Variants in ERAP1 observed in about 807,000 individuals in gnomAD.
ERAP1 encodes endoplasmic reticulum aminopeptidase 1, also known as adipocyte-derived leucine aminopeptidase.
A neutral mutation model predicts 103.7 loss-of-function variants in ERAP1; 86 were observed. The ratio of observed to expected loss-of-function variants is 0.83; its 90% CI spans 0.70 to 0.99. The LOEUF is 0.99. ERAP1 is among the 50% of genes least tolerant of loss of function. The pLI is 0.00. For synonymous variants in ERAP1, 398 were observed against 402.4 expected (o/e 0.99, Z 0.13); for missense variants, 1,009 against 1,128.4 (o/e 0.89, Z 1.52).
the ERAP1 span, among the ~76,000 whole-genome samples, chr5:96,899,472 T>C: frequency 6.6e-6 from 1 of 152,250 alleles, no homozygotes; most frequent in South Asian, 2.1e-4. Context: ...TGCTGTTATT[T>C]TTCATAAGAT....
chr5:96,780,395 A>T (rs1429134355), intron 18 of ERAP1, 28 bp downstream of exon 18: 9 of 1,468,976 alleles, frequency 6.1e-6, no homozygotes, highest in South Asian at 1.3e-5. Context: ...TATGTTTAAA[A>T]ATATATATAT....
the ERAP1 span, among the ~76,000 whole-genome samples, chr5:96,815,765 T>C: frequency 1.3e-5 from 2 of 152,104 alleles, no homozygotes; most frequent in Non-Finnish European, 2.9e-5. Flanking sequence ...TATTAACAGA[T>C]GCAATAAGTA....
chr5:96,873,685 AAAAAACAAAAAC>A, the ERAP1 span: 67 of 323,872 alleles, frequency 2.1e-4, no homozygotes, highest in Non-Finnish European at 3.2e-4. Flanking sequence ...AAGGAAAAAC[AAAAAACAAAAAC>A]AAAAACTAAA....
At chr5:96,846,989 C>T in the ERAP1 span, among the ~76,000 whole-genome samples, 1 of 150,522 alleles carries the variant, frequency 6.6e-6, no homozygotes, top group Admixed American at 6.6e-5. Context: ...ACCTGTAATC[C>T]TAGCTTTGGG....
chr5:96,890,664 T>C, the ERAP1 span, among the ~76,000 whole-genome samples: 2 of 152,330 alleles, frequency 1.3e-5, no homozygotes, highest in Non-Finnish European at 2.9e-5. Flanking sequence ...CCAATGCATT[T>C]TCCTTACATA....
At chr5:96,824,957 T>C in the ERAP1 span, among the ~76,000 whole-genome samples, 4 of 152,146 alleles carry the variant, frequency 2.6e-5, no homozygotes, top group South Asian at 2.1e-4. Context: ...GGACGATCGA[T>C]TGAGCCTGGG....
chr5:96,909,673 TTGAAGCTGGCCTGTGACC>T, the ERAP1 span: 2 of 1,614,232 alleles, frequency 1.2e-6, no homozygotes, highest in Non-Finnish European at 1.7e-6. Flanking sequence ...CTCGGCTCTC[TTGAAGCTGGCCTGTGACC>T]TGAACCATGC....
At chr5:96,814,957 A>G in the ERAP1 span, among the ~76,000 whole-genome samples, 7 of 152,198 alleles carry the variant, frequency 4.6e-5, no homozygotes, top group African/African-American at 1.7e-4. Flanking sequence ...ATCTAGGCCT[A>G]ACACCAAATA....
upstream of ERAP1, among the ~76,000 whole-genome samples, chr5:96,808,805 A>G (rs1048221273): frequency 6.6e-6 from 1 of 152,200 alleles, no homozygotes; most frequent in African/African-American, 2.4e-5. Context: ...ACATTAAAAC[A>G]CCAAATGCTA....
chr5:96,903,680 A>G, the ERAP1 span: 1 of 932,302 alleles, frequency 1.1e-6, no homozygotes, highest in South Asian at 2.0e-5. Flanking sequence ...AATGGAATTC[A>G]AACAGTGATC....
rs552080443 is a variant in ERAP1, at chr5:96,777,379, T to C, written c.2671-828A>G. On this transcript the variant is annotated intron_variant, in intron 18 of 18. Coordinates refer to ENST00000443439, the MANE Select transcript of ERAP1 (RefSeq NM_001040458.3). ...GCGAATGTAGACCATGATGTATTAT[T>C]TATTCAGCATAGATTCCAGACAGCC... Among the ~76,000 whole-genome samples, 10 of 152,336 alleles carry C rather than the reference T, an allele frequency of 6.6e-5. No homozygotes were observed. The South Asian group carries it at 1.9e-3, about 28-fold the overall frequency.
At chr5:96,920,696 T>C in the ERAP1 span, among the ~76,000 whole-genome samples, 1 of 152,252 alleles carries the variant, frequency 6.6e-6, no homozygotes, top group African/African-American at 2.4e-5. Flanking sequence ...GTATCACTAT[T>C]TTTAAAATTT....
intron 14 of ERAP1, among the ~76,000 whole-genome samples, chr5:96,783,704 T>C (rs1775564916): frequency 1.3e-5 from 2 of 151,742 alleles, no homozygotes; most frequent in Admixed American, 1.3e-4. Context: ...GCAAATTAAA[T>C]AGAGTCTAAG....
chr5:96,925,464 A>C, the ERAP1 span, among the ~76,000 whole-genome samples: 1 of 152,218 alleles, frequency 6.6e-6, no homozygotes, highest in Non-Finnish European at 1.5e-5. Context: ...TAGTAAATGT[A>C]GTGCAGTTTC....
the ERAP1 span, among the ~76,000 whole-genome samples, chr5:96,862,888 T>C: frequency 6.6e-6 from 1 of 152,152 alleles, no homozygotes; most frequent in Non-Finnish European, 1.5e-5. Context: ...ACCTTTCCTG[T>C]CCCCCTGCCA....
chr5:96,830,630 C>A, the ERAP1 span, among the ~76,000 whole-genome samples: 2 of 152,162 alleles, frequency 1.3e-5, no homozygotes, highest in African/African-American at 4.8e-5. Context: ...GAGCATGTAG[C>A]AGATTATATA....
exon 20 of ERAP1, chr5:96,763,122 A>G (rs80120122): frequency 1.3e-6 from 1 of 779,610 alleles, no homozygotes; most frequent in Non-Finnish European, 2.4e-6. Flanking sequence ...AACTTTAGCG[A>G]AGTCAGCTAT....
the ERAP1 span, chr5:96,909,452 G>GAAAGCCAGAAAAAGAT: frequency 1.4e-6 from 1 of 737,972 alleles, no homozygotes; most frequent in Non-Finnish European, 2.3e-6. Flanking sequence ...AGAGAAATAC[G>GAAAGCCAGAAAAAGAT]AAGATACACT....
chr5:96,816,064 A>G, the ERAP1 span, among the ~76,000 whole-genome samples: 1 of 152,320 alleles, frequency 6.6e-6, no homozygotes, highest in Admixed American at 6.5e-5. Flanking sequence ...CACGTTAGCC[A>G]GAAAATGTAG....
Sources: allele counts gnomAD v4.1 joint callset (sites outside exome capture counted in the v4.1 genomes callset), GRCh38; gene constraint gnomAD v4.1.1; transcripts MANE v1.5; gene names NCBI Gene and HGNC (gene_info 2026-07-23, HGNC 2026-07-21).